The following FHIT variants were observed in gnomAD, a reference collection of about 807,000 sequenced individuals.
The protein encoded by FHIT is fragile histidine triad diadenosine triphosphatase.
FHIT carries 19 observed loss-of-function variants against 17.9 expected under a neutral mutation model. The observed-to-expected ratio is 1.06, with a 90% CI of 0.74 to 1.56. FHIT has a LOEUF of 1.56. Ranked by LOEUF, FHIT falls within the 40% of genes most tolerant of loss-of-function variation. The probability of loss-of-function intolerance (pLI) is 0.00; values close to 1 mark genes in which losing one functional copy is unlikely to be tolerated. For synonymous variants in FHIT, 81 were observed against 69.7 expected, an observed-to-expected ratio of 1.16 and a Z score of -0.81; for missense variants, 248 against 189.2, an observed-to-expected ratio of 1.31 and a Z score of -1.82.
chr3:60,160,487 C>T (rs1311933211), intron 5 of FHIT, among the ~76,000 whole-genome samples: 1 of 152,058 alleles, frequency 6.6e-6, no homozygotes, highest in Non-Finnish European at 1.5e-5. Flanking sequence ...TCTAATGTTG[C>T]CAAGGAATCA....
chr3:60,072,845 T>C (rs867034173), intron 5 of FHIT, among the ~76,000 whole-genome samples: 23 of 152,232 alleles, frequency 1.5e-4, no homozygotes, highest in African/African-American at 2.9e-4. Context: ...TGTCTATGTA[T>C]GCCTTCTTTT....
chr3:59,754,520 A>G (rs1245179248), intron 8 of FHIT, among the ~76,000 whole-genome samples: 3 of 152,182 alleles, frequency 2.0e-5, no homozygotes, highest in Non-Finnish European at 2.9e-5. Flanking sequence ...TAACAATTCA[A>G]TAGGATGACA....
chr3:60,403,096 G>A (rs918356477), intron 5 of FHIT, among the ~76,000 whole-genome samples: 9 of 152,226 alleles, frequency 5.9e-5, no homozygotes, highest in Admixed American at 1.3e-4. Context: ...GAAGCCAATA[G>A]TCCAAGCGTT....
At chr3:60,730,017 A>G (rs1005774081) in intron 4 of FHIT, 1 of 372,894 alleles carries the variant, frequency 2.7e-6, no homozygotes, top group Non-Finnish European at 5.3e-6. Flanking sequence ...TAAACAGTAA[A>G]CTATGAGTTT....
intron 5 of FHIT, among the ~76,000 whole-genome samples, chr3:60,076,107 C>T (rs938778945): frequency 2.6e-5 from 4 of 151,978 alleles, no homozygotes; most frequent in African/African-American, 7.2e-5. Context: ...TACATCAAGA[C>T]GTAATCATCT....
chr3:60,400,057 A>G (rs992675483), intron 5 of FHIT, among the ~76,000 whole-genome samples: 2 of 152,172 alleles, frequency 1.3e-5, no homozygotes, highest in African/African-American at 4.8e-5. Flanking sequence ...CGGGTGCTCT[A>G]TGGGGATGGC....
intron 8 of FHIT, among the ~76,000 whole-genome samples, chr3:59,900,909 C>T (rs187862696): frequency 1.6e-4 from 25 of 152,236 alleles, no homozygotes; most frequent in African/African-American, 4.8e-4. Flanking sequence ...CCACTGCGCC[C>T]GGCCAGGCCA....
intron 3 of FHIT, among the ~76,000 whole-genome samples, chr3:60,860,146 T>A (rs1364078339): frequency 1.4e-5 from 1 of 73,770 alleles, no homozygotes. Flanking sequence ...TATATACATA[T>A]GGTATATATG....
chr3:60,252,984 C>T (rs374926177), intron 5 of FHIT, among the ~76,000 whole-genome samples: 2 of 151,544 alleles, frequency 1.3e-5, no homozygotes, highest in African/African-American at 4.8e-5. Flanking sequence ...GGTGACAGAG[C>T]GAGACTCCAT....
chr3:61,202,758 A>C (rs1032520497), intron 1 of FHIT, among the ~76,000 whole-genome samples: 1 of 152,208 alleles, frequency 6.6e-6, no homozygotes, highest in Non-Finnish European at 1.5e-5. Context: ...CAAAAATGAA[A>C]GTAAAGCAAC....
chr3:60,153,226 T>C (rs1576211255), intron 5 of FHIT, among the ~76,000 whole-genome samples: 1 of 152,116 alleles, frequency 6.6e-6, no homozygotes, highest in African/African-American at 2.4e-5. Flanking sequence ...TTTCCCTCAG[T>C]GTCTCCAGTT....
At chr3:60,859,917 G>A (rs1272232028) in intron 3 of FHIT, among the ~76,000 whole-genome samples, 3 of 150,064 alleles carry the variant, frequency 2.0e-5, no homozygotes, top group Non-Finnish European at 4.4e-5. Context: ...GGTGGCACGT[G>A]CCTGTAATCC....
chr3:60,011,249 G>GTC, intron 7 of FHIT, 122 bp downstream of exon 7: 1 of 857,282 alleles, frequency 1.2e-6, no homozygotes, highest in Non-Finnish European at 2.0e-6. Context: ...AACACTGAGG[G>GTC]TCTCTCTGAC....
At chr3:60,212,708 G>A (rs903591226) in intron 5 of FHIT, among the ~76,000 whole-genome samples, 7 of 152,252 alleles carry the variant, frequency 4.6e-5, no homozygotes, top group African/African-American at 7.2e-5. Flanking sequence ...GGTTTGCAAG[G>A]CATATGAAAT....
chr3:60,007,680 A>G (rs141057580), intron 7 of FHIT, among the ~76,000 whole-genome samples: 1 of 152,330 alleles, frequency 6.6e-6, no homozygotes, highest in Admixed American at 6.5e-5. Context: ...AGAAATAAAG[A>G]CCTAAAGACA....
chr3:60,079,140 A>C (rs541879755), intron 5 of FHIT, among the ~76,000 whole-genome samples: 59 of 152,236 alleles, frequency 3.9e-4, no homozygotes, highest in Admixed American at 9.8e-4. Context: ...CCTGAAGCAC[A>C]CAGTAAGTAT....
chr3:60,888,283 T>C (rs1705327228), intron 3 of FHIT, among the ~76,000 whole-genome samples: 1 of 152,212 alleles, frequency 6.6e-6, no homozygotes, highest in Non-Finnish European at 1.5e-5. Context: ...TATTGTTTGT[T>C]CAGTTTTAGC....
chr3:61,249,465 TA>T (rs1474796086), intron 1 of FHIT, among the ~76,000 whole-genome samples: 2 of 152,178 alleles, frequency 1.3e-5, no homozygotes, highest in Non-Finnish European at 2.9e-5. Context: ...ATGGTATAAT[TA>T]AAAGATTCCA....
intron 2 of FHIT, among the ~76,000 whole-genome samples, chr3:61,067,175 C>T (rs1205837397): frequency 2.0e-5 from 3 of 152,176 alleles, no homozygotes; most frequent in African/African-American, 7.2e-5. Context: ...GCACCTGCTA[C>T]AAGAAAATGT....
Sources: allele counts gnomAD v4.1 joint callset (sites outside exome capture counted in the v4.1 genomes callset), GRCh38; gene constraint gnomAD v4.1.1; transcripts MANE v1.5; gene names NCBI Gene and HGNC (gene_info 2026-07-23, HGNC 2026-07-21).